The following CHN2 variants were observed in gnomAD, a reference collection of about 807,000 sequenced individuals.
CHN2 encodes the protein chimerin 2.
A neutral mutation model predicts 56.3 loss-of-function variants in CHN2; 35 were observed. That is an observed-to-expected ratio of 0.62 (90% confidence interval 0.47 to 0.82). The LOEUF (loss-of-function observed/expected upper bound fraction) is 0.82, where lower values mean the gene tolerates loss of function less well. Among genes scored for constraint, CHN2 ranks in the 40% least tolerant of loss-of-function variants. The pLI, the probability that CHN2 is intolerant of heterozygous loss-of-function variation, is 0.00. For synonymous variants in CHN2, 210 were observed against 212.8 expected (o/e 0.99, Z 0.12); for missense variants, 491 against 580.5 (o/e 0.85, Z 1.58).
At chr7:29,172,701 T>C (rs1584545794) in intron 2 of CHN2, among the ~76,000 whole-genome samples, 1 of 152,314 alleles carries the variant, frequency 6.6e-6, no homozygotes, top group Non-Finnish European at 1.5e-5. Flanking sequence ...CATACAGTCA[T>C]CTGACCAACG....
At chr7:29,456,573 C>T (rs1391849377) in intron 6 of CHN2, among the ~76,000 whole-genome samples, 2 of 151,798 alleles carry the variant, frequency 1.3e-5, no homozygotes, top group Non-Finnish European at 1.5e-5. Context: ...AAGGCATACT[C>T]GTTCAAAATG....
chr7:29,231,356 A>G (rs1468077607), intron 1 of CHN2, among the ~76,000 whole-genome samples: 1 of 152,170 alleles, frequency 6.6e-6, no homozygotes, highest in African/African-American at 2.4e-5. Flanking sequence ...GGTAGGAGAA[A>G]AGGTGTGTGT....
In CHN2 at chr7:29,233,825, A is replaced by ATTTTTTTTTTT. The variant is rs1175429614; in HGVS notation, c.49+38851_49+38861dup. Among the ~76,000 whole-genome samples, 303 of 53,194 alleles carry ATTTTTTTTTTT rather than the reference A, an allele frequency of 5.7e-3. 39 individuals are homozygous for ATTTTTTTTTTT. Among genetic ancestry groups the ATTTTTTTTTTT allele is most frequent in the Admixed American group, 0.01 (31 of 2,988 alleles). 34.9% of individuals were successfully genotyped at this position (53,194 alleles called of 152,430 possible). On this transcript the variant is annotated intron_variant, in intron 1 of 12. Transcript: ENST00000222792. ...AGAATGCAGCCCTGCCAACACCTTG[A>ATTTTTTTTTTT]TTTTTTTTTTTTTTTTTTTTTTTTT...
At chr7:29,339,349 C>G (rs966811945) in intron 1 of CHN2, among the ~76,000 whole-genome samples, 6 of 152,092 alleles carry the variant, frequency 3.9e-5, no homozygotes, top group African/African-American at 1.4e-4. Context: ...CCTCTGCAGA[C>G]AGACACAACC....
intron 6 of CHN2, among the ~76,000 whole-genome samples, chr7:29,447,114 G>C (rs1251204453): frequency 1.3e-5 from 2 of 152,262 alleles, no homozygotes; most frequent in East Asian, 3.9e-4. Context: ...AATTACAGAT[G>C]GGGGAAGAGG....
At chr7:29,435,017 G>A (rs62457776) in intron 6 of CHN2, among the ~76,000 whole-genome samples, 1,578 of 152,180 alleles carry the variant, frequency 0.01, 17 homozygotes, top group Middle Eastern at 0.031. Flanking sequence ...GCTTAAGCCC[G>A]GAAAGTCAAG....
At chr7:29,479,647 C>T (rs1786912283) in intron 6 of CHN2, 1 of 1,024,566 alleles carries the variant, frequency 9.8e-7, no homozygotes, top group Non-Finnish European at 1.2e-6. Context: ...GGTTCAGAGC[C>T]CCAGATTAAT....
intron 5 of CHN2, among the ~76,000 whole-genome samples, chr7:29,400,069 C>T (rs1448863226): frequency 6.6e-6 from 1 of 152,126 alleles, no homozygotes; most frequent in Non-Finnish European, 1.5e-5. Context: ...GATGCGTTAA[C>T]AAGGGGGCAT....
intron 1 of CHN2, among the ~76,000 whole-genome samples, chr7:29,325,750 G>A (rs3828985): frequency 0.44 from 66,908 of 152,002 alleles, 15,179 homozygotes; most frequent in South Asian, 0.53. Flanking sequence ...TCTGAAAAAT[G>A]TTTCCTTCCC....
intron 1 of CHN2, among the ~76,000 whole-genome samples, chr7:29,320,012 T>G (rs374303741): frequency 6.6e-6 from 1 of 152,140 alleles, no homozygotes; most frequent in Non-Finnish European, 1.5e-5. Flanking sequence ...AGGTTGCTGG[T>G]CATCAATATT....
intron 1 of CHN2, among the ~76,000 whole-genome samples, chr7:29,207,649 T>G (rs777936126): frequency 6.6e-6 from 1 of 152,210 alleles, no homozygotes; most frequent in Non-Finnish European, 1.5e-5. Context: ...GTTTCTCTAC[T>G]GTGTGCCTGA....
intron 6 of CHN2, among the ~76,000 whole-genome samples, chr7:29,470,070 C>T (rs1785896988): frequency 6.6e-6 from 1 of 152,146 alleles, no homozygotes; most frequent in Non-Finnish European, 1.5e-5. Context: ...ACTGTGTTCC[C>T]CTGGAATATT....
intron 6 of CHN2, among the ~76,000 whole-genome samples, chr7:29,476,536 C>CAAA (rs35924824): frequency 2.1e-5 from 3 of 143,554 alleles, no homozygotes; most frequent in African/African-American, 5.2e-5. Flanking sequence ...GAGTCCGTCT[C>CAAA]AAAAAAAAAA....
chr7:29,348,433 T>A (rs577732628), intron 1 of CHN2, among the ~76,000 whole-genome samples: 1 of 152,342 alleles, frequency 6.6e-6, no homozygotes, highest in African/African-American at 2.4e-5. Flanking sequence ...ATTTCAACGG[T>A]CTTATTACCC....
intron 6 of CHN2, among the ~76,000 whole-genome samples, chr7:29,427,304 A>G (rs932843045): frequency 2.0e-5 from 3 of 152,202 alleles, no homozygotes; most frequent in Non-Finnish European, 4.4e-5. Context: ...GTGATAGAGT[A>G]AGACTGTCTC....
intron 3 of CHN2, 111 bp from the exon 4 acceptor site, chr7:29,393,568 A>G (rs1801514643): frequency 2.0e-6 from 1 of 500,126 alleles, no homozygotes; most frequent in Non-Finnish European, 3.4e-6. Context: ...GGAGGATACA[A>G]TCTGTAATAA....
At chr7:29,441,421 A>T (rs1178338329) in intron 6 of CHN2, among the ~76,000 whole-genome samples, 1 of 152,258 alleles carries the variant, frequency 6.6e-6, no homozygotes, top group East Asian at 1.9e-4. Context: ...ATTCTTAAAT[A>T]TGATGCCAAA....
intron 4 of CHN2, chr7:29,398,126 A>G (rs1801908799): frequency 2.9e-6 from 1 of 340,108 alleles, no homozygotes; most frequent in African/African-American, 2.1e-5. Flanking sequence ...ACTTGAAAGC[A>G]AAGACAATAG....
chr7:29,458,036 C>G (rs1218413841), intron 6 of CHN2, among the ~76,000 whole-genome samples: 2 of 152,176 alleles, frequency 1.3e-5, no homozygotes, highest in African/African-American at 2.4e-5. Context: ...TTTTTAAAAA[C>G]AGCTTTCATG....
Sources: allele counts gnomAD v4.1 joint callset (sites outside exome capture counted in the v4.1 genomes callset), GRCh38; gene constraint gnomAD v4.1.1; transcripts MANE v1.5; gene names NCBI Gene and HGNC (gene_info 2026-07-23, HGNC 2026-07-21).